Variants in USH2A observed in about 807,000 individuals in gnomAD.
The protein encoded by USH2A is usherin.
In USH2A, 443 loss-of-function variants were observed where a neutral mutation model predicts 538.9. The observed-to-expected ratio is 0.82, with a 90% confidence interval of 0.76 to 0.89. The LOEUF (loss-of-function observed/expected upper bound fraction) is 0.89, where lower values mean the gene tolerates loss of function less well. Among genes scored for constraint, USH2A ranks in the 40% least tolerant of loss-of-function variants. The probability of loss-of-function intolerance (pLI) is 0.00; values close to 1 mark genes in which losing one functional copy is unlikely to be tolerated. For synonymous variants in USH2A, 2,413 were observed against 2,273.5 expected (o/e 1.06, Z -1.75); for missense variants, 6,633 against 6,324.8 (o/e 1.05, Z -1.65).
At chr1:215,848,133 G>T (rs573743451) in intron 44 of USH2A, among the ~76,000 whole-genome samples, 1 of 152,230 alleles carries the variant, frequency 6.6e-6, no homozygotes, top group Non-Finnish European at 1.5e-5. Flanking sequence ...TATTCGTCAA[G>T]TACAGCAAAG....
In USH2A at chr1:215,674,175, A is replaced by G; in HGVS notation, c.13736T>C (p.Ile4579Thr). The G allele has an allele frequency of 1.2e-6, 2 of 1,614,060 alleles. No homozygotes were observed. Among genetic ancestry groups the G allele is most frequent in the Non-Finnish European group, 1.7e-6 (2 of 1,180,014 alleles). ...IRELFERETKIIHINTTHNSF... is the reference protein window; with the variant it reads ...IRELFERETKTIHINTTHNSF... ...ATTATGAGTTGTGTTTATGTGTATG[A>G]TTTTAGTTTCTCTTTCAAATAGTTC... Residue 4579 changes from isoleucine (I) to threonine (T), a missense_variant, in exon 63 of 72, where the codon ATC becomes ACC. Coordinates refer to ENST00000307340, the MANE Select transcript of USH2A (RefSeq NM_206933.4).
chr1:216,290,993 C>A (rs1422727005), intron 10 of USH2A, among the ~76,000 whole-genome samples: 1 of 152,148 alleles, frequency 6.6e-6, no homozygotes, highest in Non-Finnish European at 1.5e-5. Flanking sequence ...TTATTTCTCA[C>A]CTGGACTATT....
At chr1:216,087,210 G>A (rs1355314978) in intron 23 of USH2A, among the ~76,000 whole-genome samples, 1 of 152,122 alleles carries the variant, frequency 6.6e-6, no homozygotes, top group African/African-American at 2.4e-5. Context: ...GAGAGAAGAG[G>A]CAAAGTTATT....
chr1:215,813,602 C>G (rs1037107667), intron 49 of USH2A, 134 bp downstream of exon 49: 1 of 991,868 alleles, frequency 1.0e-6, no homozygotes, highest in African/African-American at 1.6e-5. Flanking sequence ...ATATTTAGAG[C>G]AGGCCATTGG....
In USH2A at chr1:215,650,691, A is replaced by G. The variant is rs751831337; in HGVS notation, c.14244T>C (p.Ser4748=). The change falls in exon 65 of 72, where the codon TCT becomes TCC. Residue 4748 remains serine, a synonymous_variant. Coordinates refer to ENST00000307340, the MANE Select transcript of USH2A (RefSeq NM_206933.4). ...CACTGATGTTGACCACTGCTTGGGT[A>G]GAAGAGATCACATGGAACGTGGGGG... ...LRAPTFHVIS[S]TQAVVNISAP... 4 of 1,613,936 alleles carry G rather than the reference A, an allele frequency of 2.5e-6. No individual in the cohort carries two copies. The African/African-American group carries it at 5.3e-5, about 22-fold the overall frequency.
chr1:215,688,099 C>A (rs1422182716), intron 61 of USH2A, among the ~76,000 whole-genome samples: 1 of 147,602 alleles, frequency 6.8e-6, no homozygotes, highest in African/African-American at 2.5e-5. Context: ...TTCTTGATTA[C>A]AAGGGCGGGT....
chr1:216,184,058 G>C (rs1000522283), intron 20 of USH2A, among the ~76,000 whole-genome samples: 6 of 151,984 alleles, frequency 3.9e-5, no homozygotes, highest in African/African-American at 1.2e-4. Flanking sequence ...ACCAACTGCT[G>C]CCTGAAAACA....
At chr1:216,251,434 C>A (rs1459494348) in intron 11 of USH2A, among the ~76,000 whole-genome samples, 2 of 146,600 alleles carry the variant, frequency 1.4e-5, no homozygotes, top group African/African-American at 5.0e-5. Flanking sequence ...TTTAGGACAC[C>A]ACTTCCCCTT....
intron 58 of USH2A, among the ~76,000 whole-genome samples, chr1:215,751,943 G>A (rs934120712): frequency 6.6e-6 from 1 of 152,100 alleles, no homozygotes; most frequent in African/African-American, 2.4e-5. Flanking sequence ...AAATAGTGAA[G>A]CCCATTCCAT....
At chr1:215,901,198 G>C in intron 38 of USH2A, 1 of 431,284 alleles carries the variant, frequency 2.3e-6, no homozygotes, top group Non-Finnish European at 4.3e-6. Flanking sequence ...AAAACATGGA[G>C]GGAATTTAGT....
intron 21 of USH2A, among the ~76,000 whole-genome samples, chr1:216,170,734 AG>A (rs1317615525): frequency 6.6e-6 from 1 of 152,158 alleles, no homozygotes; most frequent in Non-Finnish European, 1.5e-5. Context: ...TGTTTTTACC[AG>A]GTTCCACTTG....
At chr1:216,418,754 C>T in intron 2 of USH2A, 75 bp from the exon 3 acceptor site, 1 of 1,555,112 alleles carries the variant, frequency 6.4e-7, no homozygotes, top group Non-Finnish European at 8.9e-7. Context: ...TGTGCAGTTA[C>T]AGTGGTGTTA....
chr1:216,108,420 T>C (rs1292161666), intron 21 of USH2A, among the ~76,000 whole-genome samples: 1 of 151,302 alleles, frequency 6.6e-6, no homozygotes, highest in Non-Finnish European at 1.5e-5. Context: ...TTTTTAGTAA[T>C]CGGACTGTGA....
At chr1:215,865,005 A>G (rs770937545) in intron 44 of USH2A, among the ~76,000 whole-genome samples, 2 of 152,220 alleles carry the variant, frequency 1.3e-5, no homozygotes, top group African/African-American at 2.4e-5. Flanking sequence ...AATTTAAAAC[A>G]TGATTTTCCA....
intron 69 of USH2A, among the ~76,000 whole-genome samples, 179 bp from the exon 70 acceptor site, chr1:215,634,882 TAAC>T (rs1656426877): frequency 6.6e-6 from 1 of 152,350 alleles, no homozygotes; most frequent in African/African-American, 2.4e-5. Context: ...TGCTGGGTTA[TAAC>T]GAGATGCTTA....
intron 3 of USH2A, among the ~76,000 whole-genome samples, chr1:216,365,974 C>T (rs1056954171): frequency 9.9e-5 from 15 of 152,170 alleles, no homozygotes; most frequent in African/African-American, 2.9e-4. Flanking sequence ...ATAGCCAATG[C>T]TATCAAACTT....
rs188931155 is a variant in USH2A at position 216,087,103 on chromosome 1, C to T, written c.4886-283G>A. On this transcript the variant is annotated intron_variant, in intron 23 of 71. Transcript: ENST00000307340. The stretch of plus-strand genomic sequence containing the variant: ...ATGAATAGTGGGCTGGGTTCCAGTA[C>T]GAACTGCCAGGGCCAAAGGCCAGGG... Among the ~76,000 whole-genome samples, 398 of 152,254 alleles carry T rather than the reference C, an allele frequency of 2.6e-3. 1 individual carries two copies. Among genetic ancestry groups the T allele is most frequent in the Non-Finnish European group, 4.0e-3 (272 of 68,012 alleles).
chr1:216,199,489 C>T (rs1276472809), intron 17 of USH2A, 138 bp downstream of exon 17: 10 of 1,301,118 alleles, frequency 7.7e-6, no homozygotes, highest in Admixed American at 5.7e-5. Flanking sequence ...TATCTTATAT[C>T]TTTAGAAACT....
chr1:216,353,031 TA>T (rs549923500), intron 4 of USH2A, among the ~76,000 whole-genome samples: 1 of 152,108 alleles, frequency 6.6e-6, no homozygotes, highest in Non-Finnish European at 1.5e-5. Flanking sequence ...TCTTTGGGTA[TA>T]TTTAACCTAT....
Sources: allele counts gnomAD v4.1 joint callset (sites outside exome capture counted in the v4.1 genomes callset), GRCh38; gene constraint gnomAD v4.1.1; transcripts MANE v1.5; gene names NCBI Gene and HGNC (gene_info 2026-07-23, HGNC 2026-07-21).